RNF220: variants seen among roughly 807,000 people sequenced by gnomAD.
The protein encoded by RNF220 is E3 ubiquitin-protein ligase RNF220.
Under a neutral mutation model 67.1 loss-of-function variants are expected in RNF220, and 7 were observed. The observed-to-expected ratio is 0.10, with a 90% CI of 0.06 to 0.20. RNF220 has a LOEUF of 0.20. Among genes scored for constraint, RNF220 ranks in the 10% least tolerant of loss-of-function variants. RNF220 has a pLI of 1.00. For synonymous variants in RNF220, 270 were observed against 283.2 expected, an observed-to-expected ratio of 0.95 and a Z score of 0.47; for missense variants, 565 against 740.3, an observed-to-expected ratio of 0.76 and a Z score of 2.75.
At chr1:44,465,354 T>C (rs1441563645) in intron 2 of RNF220, among the ~76,000 whole-genome samples, 1 of 151,456 alleles carries the variant, frequency 6.6e-6, no homozygotes, top group Non-Finnish European at 1.5e-5. Flanking sequence ...CATAAAAAAA[T>C]TTTAATGGCC....
At chr1:44,542,256 G>C (rs547867137) in intron 2 of RNF220, among the ~76,000 whole-genome samples, 12 of 152,326 alleles carry the variant, frequency 7.9e-5, no homozygotes, top group Admixed American at 3.3e-4. Context: ...AGTGAACAAA[G>C]ATGCACAAGA....
chr1:44,521,245 C>T lies in RNF220; in HGVS notation c.626-92920C>T, dbSNP rs932478512. Among the ~76,000 whole-genome samples the T allele has an allele frequency of 2.0e-5, 3 of 152,124 alleles. No individual in the cohort carries two copies. In the East Asian group the frequency reaches 5.8e-4, roughly 29 times the overall value. ...GCACCTGGATCTAAAACTTTAGCTG[C>T]CCCAGTACAGGATAGGAGAGCAAGA... On this transcript the variant is annotated intron_variant, in intron 2 of 14. Transcript: ENST00000361799.
Position 44,481,687 on chromosome 1 carries a change from GA to G in RNF220, c.625+68972del, listed in dbSNP as rs200998101. On this transcript the variant is annotated intron_variant, in intron 2 of 14. Transcript: ENST00000361799. ...TTTTTCTTTAGAAGAAATAAAGGGG[GA>G]AAAAAAGAAGAGCAGAAAAATATGA... 6.0e-3 allele frequency among the ~76,000 whole-genome samples: 914 copies of G among 152,128 alleles called. 4 individuals are homozygous for G. The highest frequency in any genetic ancestry group is 0.01 in the Non-Finnish European group (697 of 67,974).
At chr1:44,597,261 C>T (rs1218412932) in intron 2 of RNF220, among the ~76,000 whole-genome samples, 5 of 151,796 alleles carry the variant, frequency 3.3e-5, no homozygotes, top group African/African-American at 4.8e-5. Context: ...GCAGATGCTC[C>T]GTAATAATTT....
In RNF220 at chr1:44,649,488, G is replaced by T; in HGVS notation, c.1446-173G>T. ...GGAATGGAGGAATAGAGAGGGTGAG[G>T]AGTTTAGTTCTGGAATGTGGAATTT... On this transcript the variant is annotated intron_variant, in intron 12 of 14. Coordinates refer to ENST00000361799, the MANE Select transcript of RNF220 (RefSeq NM_018150.4). The surrounding 1 kb of genome is among the most constrained non-coding windows in gnomAD (Gnocchi z 5.9). 2 of 624,694 alleles carry T rather than the reference G, an allele frequency of 3.2e-6. No homozygotes were observed. Among genetic ancestry groups the T allele is most frequent in the Non-Finnish European group, 5.7e-6 (2 of 351,004 alleles). The allele number at this position is 624,694 out of a possible 1,614,324, so 38.7% of individuals were successfully genotyped here. A position where few individuals can be genotyped will look rare whatever the true frequency, so the allele number is the denominator to read the frequency against.
chr1:44,496,701 A>G (rs991492280), intron 2 of RNF220, among the ~76,000 whole-genome samples: 1 of 152,168 alleles, frequency 6.6e-6, no homozygotes, highest in Admixed American at 6.5e-5. Flanking sequence ...TAGCAGATGC[A>G]TGTGGTGTGG....
intron 2 of RNF220, among the ~76,000 whole-genome samples, chr1:44,494,548 G>A (rs187242607): frequency 6.6e-6 from 1 of 151,754 alleles, no homozygotes; most frequent in African/African-American, 2.4e-5. Context: ...GAATGAGACA[G>A]CTGTTTAGAT....
chr1:44,484,082 T>C (rs945673795), intron 2 of RNF220, among the ~76,000 whole-genome samples: 2 of 152,178 alleles, frequency 1.3e-5, no homozygotes, highest in Non-Finnish European at 2.9e-5. Flanking sequence ...TAGAGCCTCC[T>C]GAGGTGGGGT....
chr1:44,509,549 C>CAA (rs11322224), intron 2 of RNF220, among the ~76,000 whole-genome samples: 9 of 124,878 alleles, frequency 7.2e-5, no homozygotes, highest in African/African-American at 2.1e-4. Flanking sequence ...GACTCTGTCT[C>CAA]AAAAAAAAAA....
In RNF220 at chr1:44,606,858, C is replaced by T. The variant is rs778832421; in HGVS notation, c.626-7307C>T. ...TTCGGTGCTCTATGTCAATGTCTCC[C>T]GGGTCTAGAACTCTAGCTCTGGCTC... On this transcript the variant is annotated intron_variant, in intron 2 of 14. Transcript: ENST00000361799. The surrounding 1 kb of genome is among the most constrained non-coding windows in gnomAD (Gnocchi z 4.2). 2.0e-5 allele frequency among the ~76,000 whole-genome samples: 3 copies of T among 152,160 alleles called. No individual in the cohort carries two copies. Among genetic ancestry groups the T allele is most frequent in the East Asian group, 3.9e-4 (2 of 5,188 alleles).
intron 5 of RNF220, among the ~76,000 whole-genome samples, chr1:44,628,537 G>T (rs991934483): frequency 6.6e-6 from 1 of 152,154 alleles, no homozygotes; most frequent in Non-Finnish European, 1.5e-5. Flanking sequence ...GCACACCTCC[G>T]AAAGGGCAAA....
chr1:44,579,965 G>A (rs1485105025), intron 2 of RNF220, among the ~76,000 whole-genome samples: 1 of 144,740 alleles, frequency 6.9e-6, no homozygotes, highest in Non-Finnish European at 1.5e-5. Flanking sequence ...AGGAGGCAGA[G>A]GTTGCAGTGA....
At chr1:44,508,739 A>G (rs569638794) in intron 2 of RNF220, among the ~76,000 whole-genome samples, 3 of 152,264 alleles carry the variant, frequency 2.0e-5, no homozygotes, top group East Asian at 3.9e-4. Flanking sequence ...CTCACTCCAC[A>G]TAGTGACCAG....
rs1395740470 is a variant in RNF220, at chr1:44,412,267, A to T, written c.170A>T (p.Asp57Val). 6.2e-7 allele frequency: 1 copy of T among 1,614,206 alleles called. No individual in the cohort carries two copies. The highest frequency in any genetic ancestry group is 1.1e-5 in the South Asian group (1 of 91,084). Residue 57 changes from aspartate to valine, a missense_variant, in exon 2 of 15, where the codon GAC (aspartate) becomes GTC (valine). Asp to Val is a radical substitution (Grantham distance 152). Coordinates refer to ENST00000361799, the MANE Select transcript of RNF220 (RefSeq NM_018150.4). The surrounding 1 kb of genome is among the most constrained non-coding windows in gnomAD (Gnocchi z 5.3). The stretch of plus-strand genomic sequence containing the variant: ...GGTGTACCTGTCTCAGTTGACAAGG[A>T]CGTGCATATTCCTTTCACCAACGGT... ...PFGVPVSVDK[D>V]VHIPFTNGSY...
chr1:44,442,326 A>G (rs1358907099), intron 2 of RNF220, among the ~76,000 whole-genome samples: 1 of 151,922 alleles, frequency 6.6e-6, no homozygotes, highest in African/African-American at 2.4e-5. Context: ...TATTTTTGGT[A>G]GAGATGGGAT....
chr1:44,475,871 G>GTGTGT (rs1655255544), intron 2 of RNF220, among the ~76,000 whole-genome samples: 1 of 144,448 alleles, frequency 6.9e-6, no homozygotes, highest in Admixed American at 6.7e-5. Flanking sequence ...AATTGGCTGG[G>GTGTGT]TGTGTTGGCG....
At chr1:44,591,945 A>G (rs1666146117) in intron 2 of RNF220, among the ~76,000 whole-genome samples, 1 of 151,494 alleles carries the variant, frequency 6.6e-6, no homozygotes, top group Non-Finnish European at 1.5e-5. Context: ...TCCTCACTTC[A>G]TCCTCACAGT....
intron 8 of RNF220, 24 bp downstream of exon 8, chr1:44,636,186 AT>A (rs1557466932): frequency 6.3e-7 from 1 of 1,583,492 alleles, no homozygotes. Flanking sequence ...ACACGTAGAC[AT>A]TGGCACTCTG....
chr1:44,511,126 T>G (rs1041930006), intron 2 of RNF220, among the ~76,000 whole-genome samples: 10 of 152,268 alleles, frequency 6.6e-5, no homozygotes, highest in Admixed American at 2.6e-4. Flanking sequence ...TTTGGAGCCC[T>G]GAGGAAGAGA....
Sources: allele counts gnomAD v4.1 joint callset (sites outside exome capture counted in the v4.1 genomes callset), GRCh38; gene constraint gnomAD v4.1.1; non-coding constraint Gnocchi (gnomAD v3.1); transcripts MANE v1.5; gene names NCBI Gene and HGNC (gene_info 2026-07-23, HGNC 2026-07-21).